Variants in ZNF451 observed in about 807,000 individuals in gnomAD.
ZNF451 encodes the protein zinc finger protein 451.
In ZNF451, 80 loss-of-function variants were observed where a neutral mutation model predicts 107.1. That is an observed-to-expected ratio of 0.75 (90% CI 0.62 to 0.90). The LOEUF is 0.90. Among genes scored for constraint, ZNF451 ranks in the 40% least tolerant of loss-of-function variants. ZNF451 has a pLI of 0.00. For synonymous variants in ZNF451, 362 were observed against 406.5 expected (o/e 0.89, Z 1.32); for missense variants, 1,107 against 1,236.2 (o/e 0.90, Z 1.57).
At chr6:57,104,917 G>T (rs1406375826) in intron 3 of ZNF451, 1 of 985,406 alleles carries the variant, frequency 1.0e-6, no homozygotes, top group East Asian at 1.1e-4. Context: ...GTTTAATAGG[G>T]ATGGGGACAG....
intron 3 of ZNF451, among the ~76,000 whole-genome samples, chr6:57,120,613 C>T (rs1830594656): frequency 1.3e-5 from 2 of 152,160 alleles, no homozygotes; most frequent in African/African-American, 2.4e-5. Flanking sequence ...ATATTGGTAT[C>T]TCGTTGTTTT....
chr6:57,137,826 AT>A (rs2127970640), intron 7 of ZNF451, among the ~76,000 whole-genome samples: 1 of 152,262 alleles, frequency 6.6e-6, no homozygotes, highest in African/African-American at 2.4e-5. Flanking sequence ...TATTGTGGAT[AT>A]TTTATATAAA....
chr6:57,147,889 C>T lies in ZNF451; in HGVS notation c.1804C>T (p.Pro602Ser). Reference protein sequence around the residue: ...VIDHSPANSSPRGKWQCRICE... With the variant: ...VIDHSPANSSSRGKWQCRICE... ...TGATCATTCCCCGGCAAATAGTTCT[C>T]CGAGGGGTAAATGGCAATGCCGGAT... Residue 602 changes from proline (P) to serine (S), a missense_variant, in exon 10 of 15, where the codon CCG becomes TCG. Coordinates refer to ENST00000370706, the MANE Select transcript of ZNF451 (RefSeq NM_001031623.3). The T allele has an allele frequency of 6.2e-7, 1 of 1,614,094 alleles. No homozygotes were observed. Among genetic ancestry groups the T allele is most frequent in the South Asian group, 1.1e-5 (1 of 91,082 alleles).
chr6:57,165,430 C>T (rs1464877670), intron 14 of ZNF451: 1 of 152,112 alleles, frequency 6.6e-6, no homozygotes, highest in East Asian at 1.9e-4. Context: ...TTCTGTTCCT[C>T]ATACTGGATG....
intron 9 of ZNF451, among the ~76,000 whole-genome samples, chr6:57,142,454 T>A (rs1831817752): frequency 6.6e-6 from 1 of 152,162 alleles, no homozygotes; most frequent in African/African-American, 2.4e-5. Context: ...AAGGCCAAAT[T>A]TATCAAGTAA....
At position 57,148,697 on chromosome 6, in the gene ZNF451, T is replaced by C. The variant is rs1832207381; in HGVS notation, c.2608+4T>C. The C allele has an allele frequency of 6.3e-7, 1 of 1,592,978 alleles. No individual in the cohort carries two copies. Among genetic ancestry groups the C allele is most frequent in the Non-Finnish European group, 8.5e-7 (1 of 1,171,002 alleles). The stretch of plus-strand genomic sequence containing the variant: ...GACCTAAGCTATCAGAATATAGGTA[T>C]GGCTTTATAGCTCTATGCAAATTTC... On this transcript the variant is annotated splice_donor_region_variant and intron_variant, in intron 10 of 14. Coordinates refer to ENST00000370706, the MANE Select transcript of ZNF451 (RefSeq NM_001031623.3).
intron 14 of ZNF451, among the ~76,000 whole-genome samples, chr6:57,166,444 CACAA>C (rs1373216222): frequency 2.0e-5 from 3 of 152,124 alleles, no homozygotes; most frequent in African/African-American, 7.2e-5. Flanking sequence ...ACACTTAAAA[CACAA>C]ACACTTTGTA....
chr6:57,158,559 G>A, intron 13 of ZNF451: 1 of 985,408 alleles, frequency 1.0e-6, no homozygotes. Flanking sequence ...AAGCACTGCA[G>A]TGAGCTTATT....
intron 14 of ZNF451, chr6:57,165,166 T>G (rs1763839776): frequency 6.6e-6 from 1 of 152,236 alleles, no homozygotes. Context: ...TCTTGTTGTT[T>G]TCATTGTCTT....
chr6:57,162,649 C>G (rs2127988413), intron 14 of ZNF451, among the ~76,000 whole-genome samples: 1 of 152,310 alleles, frequency 6.6e-6, no homozygotes, highest in African/African-American at 2.4e-5. Context: ...CAGTACTGAA[C>G]ATCTAAAGAG....
intron 7 of ZNF451, among the ~76,000 whole-genome samples, chr6:57,135,790 T>TA (rs1831400178): frequency 6.6e-6 from 1 of 152,154 alleles, no homozygotes; most frequent in Non-Finnish European, 1.5e-5. Context: ...TTCTGTTAAC[T>TA]AAAAACCTTT....
At position 57,148,319 on chromosome 6, in the gene ZNF451, T is replaced by C. The variant is rs369706106; in HGVS notation, c.2234T>C (p.Met745Thr). 15 of 1,613,966 alleles carry C rather than the reference T, an allele frequency of 9.3e-6. No homozygotes were observed. Among genetic ancestry groups the C allele is most frequent in the Middle Eastern group, 3.3e-4 (2 of 6,084 alleles). Residue 745 changes from methionine (M) to threonine (T), a missense_variant, in exon 10 of 15, where the codon ATG (methionine) becomes ACG (threonine). By Grantham distance (81) the Met-to-Thr change is moderately conservative. This residue lies in a region of ZNF451 where 608 missense variants were observed against 649.2 expected (regional missense o/e 0.94). Coordinates refer to ENST00000370706, the MANE Select transcript of ZNF451 (RefSeq NM_001031623.3). ...GATTATAGCAGATGTCTCCAAATCA[T>C]GCTGGATAAAGGAAAACTGTGGTTT... ...KEDYSRCLQI[M>T]LDKGKLWFRC...
At chr6:57,128,894 A>G in intron 5 of ZNF451, 54 bp downstream of exon 5, 1 of 1,305,008 alleles carries the variant, frequency 7.7e-7, no homozygotes, top group South Asian at 1.3e-5. Flanking sequence ...GCCTTAAGGC[A>G]GAAAGTACGT....
chr6:57,134,857 A>G lies in ZNF451; in HGVS notation c.689A>G (p.His230Arg). The G allele has an allele frequency of 6.2e-7, 1 of 1,606,902 alleles. No individual in the cohort carries two copies. Among genetic ancestry groups the G allele is most frequent in the Non-Finnish European group, 8.5e-7 (1 of 1,175,488 alleles). ...GTTACTCAACAACAATATAGAGATC[A>G]CCTTTTTGATAAGGTAAGAGCATGT... Reference protein sequence around the residue: ...KFVTQQQYRDHLFDKEATDDG... With the variant: ...KFVTQQQYRDRLFDKEATDDG... The change falls in exon 7 of 15, where the codon CAC becomes CGC. Residue 230 changes from histidine to arginine, a missense_variant. His to Arg is a conservative substitution (Grantham distance 29). This residue lies in a region of ZNF451 where 339 missense variants were observed against 372.8 expected (regional missense o/e 0.91). Transcript: ENST00000370706.
intron 3 of ZNF451, chr6:57,105,915 CTTCT>C: frequency 1.0e-6 from 1 of 984,850 alleles, no homozygotes; most frequent in Non-Finnish European, 1.2e-6. Flanking sequence ...CGTGTGGCAG[CTTCT>C]TTATCAATCA....
At chr6:57,152,460 T>C in intron 12 of ZNF451, 109 bp downstream of exon 12, 1 of 1,311,070 alleles carries the variant, frequency 7.6e-7, no homozygotes, top group Admixed American at 1.8e-5. Context: ...GTACTTCAGG[T>C]TCTACCTATG....
chr6:57,096,176 G>GTTTT lies in ZNF451; in HGVS notation c.106-2863_106-2860dup, dbSNP rs749589304. 1.2e-3 allele frequency among the ~76,000 whole-genome samples: 69 copies of GTTTT among 58,448 alleles called. 1 individual carries two copies. The highest frequency in any genetic ancestry group is 3.3e-3 in the East Asian group (6 of 1,796). The allele number at this position is 58,448 out of a possible 152,430, so 38.3% of individuals were successfully genotyped here. A position where few individuals can be genotyped will look rare whatever the true frequency, so the allele number is the denominator to read the frequency against. ...TTTCTTTCTTCCTTTCTTTCTTTCT[G>GTTTT]TTTTTTTTTTTTTTTTTTTTTTTTT... On this transcript the variant is annotated intron_variant, in intron 2 of 14. Coordinates refer to ENST00000370706, the MANE Select transcript of ZNF451 (RefSeq NM_001031623.3).
intron 3 of ZNF451, among the ~76,000 whole-genome samples, chr6:57,110,143 C>T (rs1404788691): frequency 1.3e-5 from 2 of 152,066 alleles, no homozygotes; most frequent in African/African-American, 4.8e-5. Flanking sequence ...AAACAGGAGC[C>T]AGACATTCAG....
intron 14 of ZNF451, among the ~76,000 whole-genome samples, chr6:57,162,687 C>T (rs1763720065): frequency 6.6e-6 from 1 of 152,174 alleles, no homozygotes; most frequent in African/African-American, 2.4e-5. Context: ...GTATTTGACA[C>T]CTCGTGACTC....
Sources: gnomAD v4.1 joint callset for allele counts (sites outside exome capture counted in the v4.1 genomes callset) on GRCh38, gnomAD v4.1.1 for gene constraint, gnomAD v4.1.1 regional missense constraint, MANE v1.5 for transcripts, NCBI Gene and HGNC (gene_info 2026-07-23, HGNC 2026-07-21) for gene names.